FRAS1: variants seen among roughly 807,000 people sequenced by gnomAD.
FRAS1 encodes the protein extracellular matrix organizing protein FRAS1.
A neutral mutation model predicts 435.2 loss-of-function variants in FRAS1; 290 were observed. The observed-to-expected ratio is 0.67, with a 90% CI of 0.61 to 0.73. The LOEUF is 0.73. Among genes scored for constraint, FRAS1 ranks in the 30% least tolerant of loss-of-function variants. FRAS1 has a pLI of 0.00. For synonymous variants in FRAS1, 1,800 were observed against 1,851.0 expected (o/e 0.97, Z 0.71); for missense variants, 4,860 against 5,001.5 (o/e 0.97, Z 0.85).
At chr4:78,099,225 A>G (rs1233381502) in intron 2 of FRAS1, among the ~76,000 whole-genome samples, 1 of 152,172 alleles carries the variant, frequency 6.6e-6, no homozygotes, top group East Asian at 1.9e-4. Flanking sequence ...TGACCTCTGT[A>G]ACTTATTTTT....
intron 40 of FRAS1, among the ~76,000 whole-genome samples, chr4:78,439,771 T>C (rs1158966498): frequency 2.6e-5 from 4 of 152,142 alleles, no homozygotes; most frequent in Non-Finnish European, 4.4e-5. Context: ...AGTGAGACTA[T>C]GGACCTGTAG....
rs141198005 is a variant in FRAS1, at chr4:78,512,538, A to G, written c.10014-854A>G. Among the ~76,000 whole-genome samples the G allele has an allele frequency of 7.7e-4, 118 of 152,318 alleles. 1 individual carries two copies. The East Asian group carries it at 0.022, about 28-fold the overall frequency. On this transcript the variant is annotated intron_variant, in intron 64 of 73. Coordinates refer to ENST00000512123, the MANE Select transcript of FRAS1 (RefSeq NM_025074.7). Reference sequence around the variant, plus strand: ...AATGACAAAAATGCAACCCATAAGTACTATCATGTTGCAGTCTTAACCAAT... The same window carrying G: ...AATGACAAAAATGCAACCCATAAGTGCTATCATGTTGCAGTCTTAACCAAT...
intron 55 of FRAS1, 128 bp from the exon 56 acceptor site, chr4:78,479,246 A>G (rs1255048437): frequency 3.8e-6 from 2 of 529,920 alleles, no homozygotes; most frequent in African/African-American, 3.9e-5. Flanking sequence ...GGAAGGTTTT[A>G]TGTCAGAGTT....
chr4:78,378,626 T>C (rs1731880555), intron 26 of FRAS1, among the ~76,000 whole-genome samples: 1 of 152,202 alleles, frequency 6.6e-6, no homozygotes, highest in African/African-American at 2.4e-5. Context: ...ATTGTGTTTA[T>C]GATTTTGCAC....
chr4:78,399,370 C>T (rs972643959), intron 29 of FRAS1, among the ~76,000 whole-genome samples: 4 of 152,134 alleles, frequency 2.6e-5, no homozygotes, highest in Non-Finnish European at 5.9e-5. Flanking sequence ...CATTTATTGG[C>T]ATATTTGAAA....
intron 2 of FRAS1, among the ~76,000 whole-genome samples, chr4:78,113,238 T>C (rs1742868894): frequency 6.6e-6 from 1 of 152,236 alleles, no homozygotes; most frequent in Admixed American, 6.5e-5. Flanking sequence ...TGTTGGACAT[T>C]TGGGTTAGTT....
At chr4:78,284,606 AG>A in intron 13 of FRAS1, 58 bp downstream of exon 13, 1 of 1,484,938 alleles carries the variant, frequency 6.7e-7, no homozygotes, top group Non-Finnish European at 9.1e-7. Flanking sequence ...GACTCATCAA[AG>A]GTTGTGATTC....
chr4:78,456,230 G>A (rs150246626), intron 47 of FRAS1, among the ~76,000 whole-genome samples: 1,412 of 61,008 alleles, frequency 0.023, 19 homozygotes, highest in African/African-American at 0.095. Context: ...TGCAACCTCC[G>A]CCTCCCAGAT....
intron 2 of FRAS1, among the ~76,000 whole-genome samples, chr4:78,124,729 C>T (rs544807823): frequency 1.3e-5 from 2 of 152,200 alleles, no homozygotes; most frequent in South Asian, 2.1e-4. Context: ...AGGAATTTAT[C>T]CATTTCTTCT....
At chr4:78,116,808 T>C (rs1477046287) in intron 2 of FRAS1, among the ~76,000 whole-genome samples, 1 of 152,220 alleles carries the variant, frequency 6.6e-6, no homozygotes, top group Non-Finnish European at 1.5e-5. Context: ...TGTCTTTTAA[T>C]TGGAGCACTT....
Position 78,318,879 on chromosome 4 carries a change from A to G in FRAS1, c.2030A>G (p.Glu677Gly), listed in dbSNP as rs1729382194. Residue 677 changes from glutamate (E) to glycine (G), a missense_variant, in exon 18 of 74, where the codon GAG becomes GGG. By Grantham distance (98) the Glu-to-Gly change is moderately conservative. Transcript: ENST00000512123. ...CACTGTACTGGGTGTAAGAAGCCAGAGGAAGGACTGCAAGTGGAGCAGCTG... is the reference window on the plus strand; with the variant it reads ...CACTGTACTGGGTGTAAGAAGCCAGGGGAAGGACTGCAAGTGGAGCAGCTG... Reference protein sequence around the residue: ...PSHCTGCKKPEEGLQVEQLSD... With the variant: ...PSHCTGCKKPGEGLQVEQLSD... The G allele has an allele frequency of 6.2e-7, 1 of 1,614,026 alleles. No individual in the cohort carries two copies. Among genetic ancestry groups the G allele is most frequent in the East Asian group, 2.2e-5 (1 of 44,882 alleles).
At chr4:78,296,478 G>A (rs17003109) in intron 14 of FRAS1, among the ~76,000 whole-genome samples, 4,883 of 152,162 alleles carry the variant, frequency 0.032, 257 homozygotes, top group African/African-American at 0.11. Context: ...GAGTTTTAGC[G>A]TCTCAGGCAA....
chr4:78,512,993 A>G (rs1225018984), intron 64 of FRAS1, among the ~76,000 whole-genome samples: 1 of 152,214 alleles, frequency 6.6e-6, no homozygotes, highest in African/African-American at 2.4e-5. Context: ...TGTCAACCTT[A>G]CCTAACTTCC....
At chr4:78,162,245 G>T (rs1208124223) in intron 2 of FRAS1, among the ~76,000 whole-genome samples, 2 of 152,106 alleles carry the variant, frequency 1.3e-5, no homozygotes, top group South Asian at 2.1e-4. Flanking sequence ...GGATCCACAA[G>T]AAAAAGGTTT....
intron 2 of FRAS1, among the ~76,000 whole-genome samples, chr4:78,149,589 A>G (rs1382389693): frequency 6.6e-6 from 1 of 152,144 alleles, no homozygotes; most frequent in African/African-American, 2.4e-5. Flanking sequence ...TGTATATTTT[A>G]GCCTTTTCAC....
chr4:78,286,443 G>C lies in FRAS1; in HGVS notation c.1438G>C (p.Glu480Gln). The change falls in exon 14 of 74, where the codon GAG (glutamate) becomes CAG (glutamine). Residue 480 changes from glutamate to glutamine, a missense_variant. Transcript: ENST00000512123. ...GTGCTCCACGTGTACCAGTGGGCTG[G>C]AGTGCTCATCCTGCCAGCCTCCCCT... Reference protein sequence around the residue: ...PQCSTCTSGLECSSCQPPLLM... With the variant: ...PQCSTCTSGLQCSSCQPPLLM... 6.2e-7 allele frequency: 1 copy of C among 1,613,634 alleles called. No homozygotes were observed. Among genetic ancestry groups the C allele is most frequent in the South Asian group, 1.1e-5 (1 of 91,068 alleles).
At chr4:78,458,344 C>T (rs1395738371) in intron 47 of FRAS1, among the ~76,000 whole-genome samples, 1 of 152,172 alleles carries the variant, frequency 6.6e-6, no homozygotes, top group African/African-American at 2.4e-5. Flanking sequence ...ACCCTTAGCA[C>T]TTACCAGTTT....
chr4:78,328,272 C>T (rs147323497), intron 18 of FRAS1, among the ~76,000 whole-genome samples: 1 of 152,134 alleles, frequency 6.6e-6, no homozygotes, highest in South Asian at 2.1e-4. Flanking sequence ...ACTAATTAAT[C>T]TTTCTCTAGT....
chr4:78,451,563 GAGA>G, intron 45 of FRAS1, among the ~76,000 whole-genome samples: 1 of 152,302 alleles, frequency 6.6e-6, no homozygotes, highest in Non-Finnish European at 1.5e-5. Context: ...ATTTTGTTAT[GAGA>G]AGGTCTTTGG....
Sources: allele counts gnomAD v4.1 joint callset (sites outside exome capture counted in the v4.1 genomes callset), GRCh38; gene constraint gnomAD v4.1.1; transcripts MANE v1.5; gene names NCBI Gene and HGNC (gene_info 2026-07-23, HGNC 2026-07-21).